Variants in PDHX observed in about 807,000 individuals in gnomAD.
The protein encoded by PDHX is pyruvate dehydrogenase protein X component, mitochondrial.
Under a neutral mutation model 55.3 loss-of-function variants are expected in PDHX, and 33 were observed. The observed-to-expected ratio is 0.60, with a 90% CI of 0.45 to 0.80. The LOEUF (loss-of-function observed/expected upper bound fraction) is 0.80, where lower values mean the gene tolerates loss of function less well. Among genes scored for constraint, PDHX ranks in the 30% least tolerant of loss-of-function variants. PDHX has a pLI of 0.00. For synonymous variants in PDHX, 226 were observed against 219.4 expected (o/e 1.03, Z -0.27); for missense variants, 622 against 619.9 (o/e 1.00, Z -0.04).
intron 9 of PDHX, among the ~76,000 whole-genome samples, chr11:34,986,047 G>T (rs1297599784): frequency 6.6e-6 from 1 of 152,164 alleles, no homozygotes; most frequent in Non-Finnish European, 1.5e-5. Flanking sequence ...GCTCATGCCC[G>T]TAATCCCAAC....
intron 3 of PDHX, among the ~76,000 whole-genome samples, chr11:34,951,554 T>C (rs1300020933): frequency 1.3e-5 from 2 of 152,220 alleles, no homozygotes; most frequent in Non-Finnish European, 2.9e-5. Flanking sequence ...TTTGTTTTTT[T>C]CTTGTAAATT....
Position 34,916,707 on chromosome 11 carries a change from G to A in PDHX, c.52G>A (p.Val18Met), listed in dbSNP as rs1296322131. The A allele has an allele frequency of 6.2e-7, 1 of 1,613,042 alleles. No homozygotes were observed. The highest frequency in any genetic ancestry group is 8.5e-7 in the Non-Finnish European group (1 of 1,179,958). ...TGATCCGCGGCTGCTGCGTTATCTT[G>A]TGGGCTTCCCCGGCCGCCGAAGCGT... The part of the protein sequence containing the change: ...GCDPRLLRYL[V>M]GFPGRRSVGL... The change falls in exon 1 of 11, where the codon GTG (valine) becomes ATG (methionine). Residue 18 changes from valine (V) to methionine (M), a missense_variant. Coordinates refer to ENST00000227868, the MANE Select transcript of PDHX (RefSeq NM_003477.3).
chr11:34,995,016 G>T lies in PDHX; in HGVS notation c.1350G>T (p.Lys450Asn). The T allele has an allele frequency of 6.2e-7, 1 of 1,614,080 alleles. No homozygotes were observed. Among genetic ancestry groups the T allele is most frequent in the Non-Finnish European group, 8.5e-7 (1 of 1,179,948 alleles). ...LAVGRFRPVLKLTEDEEGNAK... is the reference protein window; with the variant it reads ...LAVGRFRPVLNLTEDEEGNAK... ...TTGGGAGGTTCCGACCTGTGCTGAAGCTCACTGAGGATGAAGAGGGAAATG... is the reference window on the plus strand; with the variant it reads ...TTGGGAGGTTCCGACCTGTGCTGAATCTCACTGAGGATGAAGAGGGAAATG... Residue 450 changes from lysine (K) to asparagine (N), a missense_variant, in exon 11 of 11, where the codon AAG (lysine) becomes AAT (asparagine). Coordinates refer to ENST00000227868, the MANE Select transcript of PDHX (RefSeq NM_003477.3).
At chr11:34,934,963 T>C (rs1854274294) in intron 2 of PDHX, among the ~76,000 whole-genome samples, 1 of 151,932 alleles carries the variant, frequency 6.6e-6, no homozygotes. Flanking sequence ...ATAAGAGATG[T>C]GAGATGAAAT....
At chr11:34,955,007 G>T (rs1009239019) in intron 3 of PDHX, among the ~76,000 whole-genome samples, 5 of 152,186 alleles carry the variant, frequency 3.3e-5, no homozygotes, top group Non-Finnish European at 5.9e-5. Context: ...CAATATTTCA[G>T]TATCGATGAG....
chr11:34,962,237 G>C (rs1211845743), intron 5 of PDHX, among the ~76,000 whole-genome samples: 1 of 152,140 alleles, frequency 6.6e-6, no homozygotes, highest in African/African-American at 2.4e-5. Context: ...AAATTAATAG[G>C]CTCCTAAAGT....
chr11:34,966,833 A>T lies in PDHX; in HGVS notation c.816+19A>T, dbSNP rs1855146308. On this transcript the variant is annotated intron_variant, in intron 6 of 10. Coordinates refer to ENST00000227868, the MANE Select transcript of PDHX (RefSeq NM_003477.3). ...TGCAGTGGTAGTGTTCTCTAAGTGGATTTTTATTTCTTTTTCTTGTTTTTC... is the reference window on the plus strand; with the variant it reads ...TGCAGTGGTAGTGTTCTCTAAGTGGTTTTTTATTTCTTTTTCTTGTTTTTC... The T allele has an allele frequency of 6.3e-7, 1 of 1,595,536 alleles. No individual in the cohort carries two copies. Among genetic ancestry groups the T allele is most frequent in the African/African-American group, 1.3e-5 (1 of 74,414 alleles).
intron 7 of PDHX, chr11:34,977,759 T>C: frequency 2.2e-6 from 1 of 459,252 alleles, no homozygotes; most frequent in Non-Finnish European, 4.4e-6. Flanking sequence ...CTTGTAAACT[T>C]CCTGACTGCA....
intron 2 of PDHX, among the ~76,000 whole-genome samples, chr11:34,945,632 G>T (rs1854603366): frequency 6.6e-6 from 1 of 151,872 alleles, no homozygotes; most frequent in African/African-American, 2.4e-5. Flanking sequence ...TTTCCCCTTT[G>T]ATAGATTTTT....
chr11:34,969,166 A>G (rs912510740), intron 6 of PDHX, among the ~76,000 whole-genome samples: 1 of 152,182 alleles, frequency 6.6e-6, no homozygotes, highest in African/African-American at 2.4e-5. Flanking sequence ...ATGGTAGGCT[A>G]TGCTAAGGCT....
intron 2 of PDHX, among the ~76,000 whole-genome samples, chr11:34,941,515 A>G (rs1438755188): frequency 2.0e-5 from 3 of 152,248 alleles, no homozygotes; most frequent in African/African-American, 4.8e-5. Context: ...ATGGTTCAAC[A>G]TAGCACTAAG....
intron 1 of PDHX, among the ~76,000 whole-genome samples, chr11:34,927,284 A>G (rs1455358371): frequency 6.6e-6 from 1 of 152,114 alleles, no homozygotes; most frequent in Non-Finnish European, 1.5e-5. Flanking sequence ...AAACTTGTGT[A>G]ATGAGTGCAG....
At chr11:34,932,115 T>A (rs556278272) in intron 2 of PDHX, among the ~76,000 whole-genome samples, 1 of 152,166 alleles carries the variant, frequency 6.6e-6, no homozygotes, top group Non-Finnish European at 1.5e-5. Flanking sequence ...AGATTTATTC[T>A]TTATGTTATG....
At chr11:34,938,259 A>G (rs1037192939) in intron 2 of PDHX, among the ~76,000 whole-genome samples, 2 of 152,230 alleles carry the variant, frequency 1.3e-5, no homozygotes, top group African/African-American at 4.8e-5. Context: ...CAATAACCCA[A>G]TAGGAATTTC....
At chr11:34,916,288 C>T, upstream of PDHX, 1 of 1,612,144 alleles carries the variant, frequency 6.2e-7, no homozygotes, top group Non-Finnish European at 8.5e-7. Flanking sequence ...CAGACATGGC[C>T]CAGACCAGGG....
rs144147018 is a variant in PDHX, at chr11:34,989,152, A to G, written c.1183-3163A>G. Among the ~76,000 whole-genome samples the G allele has an allele frequency of 1.1e-3, 162 of 152,340 alleles. 1 individual carries two copies. The highest frequency in any genetic ancestry group is 1.7e-3 in the Non-Finnish European group (117 of 68,030). On this transcript the variant is annotated intron_variant, in intron 9 of 10. Transcript: ENST00000227868. ...ACAGCCTATTACTGTACTGAATAGT[A>G]TAAGGAAATAGTGATACAATGGTAC... is the stretch of plus-strand genomic sequence containing the variant.
chr11:34,947,607 G>GT lies in PDHX; in HGVS notation c.342+2dup. ...TGATGGAATCTTGGCCAAAATCGTG[G>GT]TAAGTTTTTATTTTAATTTTCTTCA... On this transcript the variant is annotated splice_donor_variant, in intron 3 of 10. Coordinates refer to ENST00000227868, the MANE Select transcript of PDHX (RefSeq NM_003477.3). LOFTEE classifies it high-confidence loss of function. The GT allele has an allele frequency of 6.3e-7, 1 of 1,591,486 alleles. No individual in the cohort carries two copies. Among genetic ancestry groups the GT allele is most frequent in the Non-Finnish European group, 8.6e-7 (1 of 1,159,276 alleles).
chr11:34,990,487 G>T lies in PDHX; in HGVS notation c.1183-1828G>T, dbSNP rs149195685. On this transcript the variant is annotated intron_variant, in intron 9 of 10. Coordinates refer to ENST00000227868, the MANE Select transcript of PDHX (RefSeq NM_003477.3). ...GAGTTTTTGTTTTTAGTATGTGTGC[G>T]TGCAATCTACTTATTAAAGTGAGTT... Among the ~76,000 whole-genome samples the T allele has an allele frequency of 7.2e-5, 11 of 152,220 alleles. No individual in the cohort carries two copies. In the East Asian group the frequency reaches 2.1e-3, roughly 29 times the overall value.
chr11:34,978,208 T>G, intron 8 of PDHX, 26 bp downstream of exon 8: 1 of 1,360,426 alleles, frequency 7.4e-7, no homozygotes, highest in Non-Finnish European at 1.1e-6. Flanking sequence ...CAAATGATTT[T>G]GTCTTCTTAA....
Sources: allele counts gnomAD v4.1 joint callset (sites outside exome capture counted in the v4.1 genomes callset), GRCh38; gene constraint gnomAD v4.1.1; transcripts MANE v1.5; gene names NCBI Gene and HGNC (gene_info 2026-07-23, HGNC 2026-07-21).